ALPL: variants seen among roughly 807,000 people sequenced by gnomAD.
ALPL encodes the protein alkaline phosphatase, tissue-nonspecific isozyme.
A neutral mutation model predicts 51.3 loss-of-function variants in ALPL; 42 were observed. The ratio of observed to expected loss-of-function variants is 0.82; its 90% CI spans 0.64 to 1.06. The LOEUF is 1.06. Among genes scored for constraint, ALPL ranks in the 50% least tolerant of loss-of-function variants. The probability of loss-of-function intolerance (pLI) is 0.00; values close to 1 mark genes in which losing one functional copy is unlikely to be tolerated. For synonymous variants in ALPL, 279 were observed against 296.4 expected, an observed-to-expected ratio of 0.94 and a Z score of 0.60; for missense variants, 589 against 709.4, an observed-to-expected ratio of 0.83 and a Z score of 1.93.
intron 7 of ALPL, 47 bp from the exon 8 acceptor site, chr1:21,570,258 G>A (rs373874284): frequency 2.1e-5 from 33 of 1,591,588 alleles, no homozygotes; most frequent in Non-Finnish European, 2.6e-5. Context: ...CAGTCCTTCC[G>A]ACTCTCCCTA....
chr1:21,563,019 C>T lies in ALPL; in HGVS notation c.298-91C>T, dbSNP rs1216051775. ...CTATGGGGTCCTCTCTGGTCCCTCACGCCCCAGTCCCCATGGTGTGAGTGT... is the reference window on the plus strand; with the variant it reads ...CTATGGGGTCCTCTCTGGTCCCTCATGCCCCAGTCCCCATGGTGTGAGTGT... On this transcript the variant is annotated intron_variant, in intron 4 of 11. Coordinates refer to ENST00000374840, the MANE Select transcript of ALPL (RefSeq NM_000478.6). The T allele has an allele frequency of 3.0e-5, 46 of 1,547,432 alleles. 1 individual carries two copies. The highest frequency in any genetic ancestry group is 9.0e-5 in the South Asian group (8 of 89,236).
intron 7 of ALPL, 66 bp downstream of exon 7, chr1:21,568,313 T>C (rs1570285417): frequency 6.2e-7 from 1 of 1,607,246 alleles, no homozygotes; most frequent in South Asian, 1.1e-5. Context: ...GTGTGACCCC[T>C]GCTCTGAAGT....
rs2148152544 is a variant in ALPL, at chr1:21,561,162, G to T, written c.247G>T (p.Glu83Ter). The change falls in exon 4 of 12, where the codon GAG (glutamate) becomes TAG (stop). Residue 83 changes from glutamate to a stop codon, truncating the protein, a stop_gained. Coordinates refer to ENST00000374840, the MANE Select transcript of ALPL (RefSeq NM_000478.6). LOFTEE classifies it high-confidence loss of function. The part of the protein sequence containing the change: ...LKGQLHHNPG[E>*]ETRLEMDKFP... Reference sequence around the variant, plus strand: ...GGGTCAGCTCCACCACAACCCTGGGGAGGAGACCAGGCTGGAGATGGACAA... The same window carrying T: ...GGGTCAGCTCCACCACAACCCTGGGTAGGAGACCAGGCTGGAGATGGACAA... 6.2e-7 allele frequency: 1 copy of T among 1,613,672 alleles called. No homozygotes were observed. Among genetic ancestry groups the T allele is most frequent in the African/African-American group, 1.3e-5 (1 of 75,024 alleles).
intron 3 of ALPL, 146 bp downstream of exon 3, chr1:21,560,891 T>C: frequency 8.4e-7 from 1 of 1,190,376 alleles, no homozygotes; most frequent in Non-Finnish European, 1.2e-6. Flanking sequence ...AGGCTGTGGA[T>C]TCAAGAGGCC....
Position 21,573,681 on chromosome 1 carries a change from G to A in ALPL, c.879G>A (p.Gly293=). 1 of 1,613,854 alleles carries A rather than the reference G, an allele frequency of 6.2e-7. No homozygotes were observed. Among genetic ancestry groups the A allele is most frequent in the East Asian group, 2.2e-5 (1 of 44,860 alleles). The change falls in exon 9 of 12, where the codon GGG becomes GGA. Residue 293 remains glycine, a synonymous_variant. Coordinates refer to ENST00000374840, the MANE Select transcript of ALPL (RefSeq NM_000478.6). ...VDYLLGLFEP[G]DMQYELNRNN... is the part of the protein sequence containing the mutation. ...CCTCCTCAGGTCTCTTCGAGCCAGG[G>A]GACATGCAGTACGAGCTGAACAGGA...
intron 1 of ALPL, among the ~76,000 whole-genome samples, chr1:21,517,008 A>G (rs1643813078): frequency 6.6e-6 from 1 of 152,234 alleles, no homozygotes; most frequent in Non-Finnish European, 1.5e-5. Flanking sequence ...CAGTTACATT[A>G]GCCTATAGTT....
chr1:21,552,776 T>G (rs1644350546), intron 1 of ALPL, among the ~76,000 whole-genome samples: 1 of 152,196 alleles, frequency 6.6e-6, no homozygotes, highest in African/African-American at 2.4e-5. Flanking sequence ...CATATAATAA[T>G]TGGACTAGAG....
intron 1 of ALPL, among the ~76,000 whole-genome samples, chr1:21,538,326 G>A (rs985844990): frequency 1.3e-5 from 2 of 152,132 alleles, no homozygotes; most frequent in Non-Finnish European, 2.9e-5. Context: ...ATGTCCCAAG[G>A]TCGCCGCGGA....
At chr1:21,545,864 G>A (rs1453245773) in intron 1 of ALPL, among the ~76,000 whole-genome samples, 1 of 151,962 alleles carries the variant, frequency 6.6e-6, no homozygotes, top group Non-Finnish European at 1.5e-5. Flanking sequence ...TTGCCAGGCT[G>A]GAGTACAGTG....
At chr1:21,559,125 C>T (rs1249968917) in intron 2 of ALPL, among the ~76,000 whole-genome samples, 14 of 152,140 alleles carry the variant, frequency 9.2e-5, no homozygotes, top group African/African-American at 3.1e-4. Flanking sequence ...CCCCAGCCCA[C>T]GAACATGCTA....
At chr1:21,525,586 G>A (rs187909726) in intron 1 of ALPL, among the ~76,000 whole-genome samples, 8 of 152,360 alleles carry the variant, frequency 5.3e-5, no homozygotes, top group Admixed American at 1.3e-4. Context: ...AGACGGGTGC[G>A]GGAGGACATT....
At chr1:21,555,610 G>C (rs1194165822) in intron 2 of ALPL, among the ~76,000 whole-genome samples, 1 of 152,060 alleles carries the variant, frequency 6.6e-6, no homozygotes, top group African/African-American at 2.4e-5. Context: ...TAGAGACGGG[G>C]TTTCATCATG....
At chr1:21,558,725 G>T (rs1229855331) in intron 2 of ALPL, among the ~76,000 whole-genome samples, 2 of 152,210 alleles carry the variant, frequency 1.3e-5, no homozygotes, top group Non-Finnish European at 2.9e-5. Context: ...GTGGGCTGAG[G>T]GATTGGGGTG....
chr1:21,567,675 GA>G (rs1644585525), intron 6 of ALPL, among the ~76,000 whole-genome samples: 3 of 152,212 alleles, frequency 2.0e-5, no homozygotes, highest in Non-Finnish European at 2.9e-5. Context: ...GCCTTCGGGG[GA>G]AAAAACCAAT....
intron 6 of ALPL, among the ~76,000 whole-genome samples, chr1:21,566,141 CCT>C (rs1553412898): frequency 6.6e-6 from 1 of 151,958 alleles, no homozygotes; most frequent in Non-Finnish European, 1.5e-5. Flanking sequence ...AAGGACTCTG[CCT>C]CTCTGAACCA....
intron 9 of ALPL, 136 bp from the exon 10 acceptor site, chr1:21,575,597 G>C: frequency 9.5e-7 from 1 of 1,050,730 alleles, no homozygotes; most frequent in Non-Finnish European, 1.4e-6. Flanking sequence ...TGTGGTGCTA[G>C]CTCAGAGTGG....
intron 1 of ALPL, among the ~76,000 whole-genome samples, chr1:21,544,031 A>G (rs930618328): frequency 3.3e-5 from 5 of 152,204 alleles, no homozygotes; most frequent in African/African-American, 1.2e-4. Flanking sequence ...AGGCCTGTGC[A>G]GGGCCTGGCC....
chr1:21,522,497 G>A (rs972201654), intron 1 of ALPL, among the ~76,000 whole-genome samples: 9 of 152,140 alleles, frequency 5.9e-5, no homozygotes, highest in African/African-American at 2.2e-4. Context: ...CACCTGGTTG[G>A]TGTCACGTGC....
chr1:21,571,397 G>T (rs1326101475), intron 8 of ALPL, among the ~76,000 whole-genome samples: 1 of 151,992 alleles, frequency 6.6e-6, no homozygotes, highest in Non-Finnish European at 1.5e-5. Flanking sequence ...TGCAGGCCGG[G>T]TGCAGTGGCT....
Sources: gnomAD v4.1 joint callset for allele counts (sites outside exome capture counted in the v4.1 genomes callset) on GRCh38, gnomAD v4.1.1 for gene constraint, MANE v1.5 for transcripts, NCBI Gene and HGNC (gene_info 2026-07-23, HGNC 2026-07-21) for gene names.